NCF2: variants seen among roughly 807,000 people sequenced by gnomAD.
The protein encoded by NCF2 is neutrophil cytosol factor 2.
A neutral mutation model predicts 70.9 loss-of-function variants in NCF2; 45 were observed. The ratio of observed to expected loss-of-function variants is 0.63; its 90% CI spans 0.50 to 0.81. NCF2 has a LOEUF of 0.81. Ranked by LOEUF, NCF2 falls within the 40% of genes least tolerant of loss-of-function variation. The pLI, the probability that NCF2 is intolerant of heterozygous loss-of-function variation, is 0.00. For synonymous variants in NCF2, 203 were observed against 233.6 expected (o/e 0.87, Z 1.19); for missense variants, 522 against 631.6 (o/e 0.83, Z 1.86).
chr1:183,600,360 C>T, the NCF2 span, among the ~76,000 whole-genome samples: 1 of 152,238 alleles, frequency 6.6e-6, no homozygotes, highest in Admixed American at 6.5e-5. Flanking sequence ...GTGCACCCAA[C>T]TCTTGTGTCA....
the NCF2 span, among the ~76,000 whole-genome samples, chr1:183,599,448 T>TTCTTTCTTTCTTTCTTTCTTTC: frequency 1.2e-4 from 14 of 114,474 alleles, no homozygotes; most frequent in African/African-American, 4.4e-4. Flanking sequence ...CTTTCTTTCT[T>TTCTTTCTTTCTTTCTTTCTTTC]TCTTTCTTTC....
rs774655949 is a variant in NCF2, at chr1:183,590,355, G to C, written c.-26C>G. 1 of 1,613,932 alleles carries C rather than the reference G, an allele frequency of 6.2e-7. No individual in the cohort carries two copies. Among genetic ancestry groups the C allele is most frequent in the Non-Finnish European group, 8.5e-7 (1 of 1,179,854 alleles). On this transcript the variant is annotated 5_prime_UTR_variant, in exon 1 of 15. Coordinates refer to ENST00000367535, the MANE Select transcript of NCF2 (RefSeq NM_000433.4). ...GATTAGGTAGAAACTAGGAGGCCAA[G>C]AGAGCTGCCAGGAGACAGAGAGAAG...
At chr1:183,567,061 G>A in intron 8 of NCF2, 73 bp from the exon 9 acceptor site, 3 of 1,606,372 alleles carry the variant, frequency 1.9e-6, no homozygotes, top group Admixed American at 3.3e-5. Flanking sequence ...CCACAGAACA[G>A]CCCAGAGTCC....
chr1:183,580,982 A>AG (rs1411175417), intron 2 of NCF2, among the ~76,000 whole-genome samples: 1 of 151,428 alleles, frequency 6.6e-6, no homozygotes, highest in East Asian at 1.9e-4. Flanking sequence ...CCAACTCAAA[A>AG]AAAAAAAAAA....
intron 14 of NCF2, among the ~76,000 whole-genome samples, 159 bp downstream of exon 14, chr1:183,559,937 A>G (rs1476095898): frequency 6.6e-6 from 1 of 152,212 alleles, no homozygotes; most frequent in Non-Finnish European, 1.5e-5. Flanking sequence ...GGAAAGTCTG[A>G]GTGCTCAACT....
At chr1:183,564,445 TA>T (rs1375163510) in intron 10 of NCF2, among the ~76,000 whole-genome samples, 1 of 152,250 alleles carries the variant, frequency 6.6e-6, no homozygotes, top group African/African-American at 2.4e-5. Context: ...GTATGTTTCC[TA>T]AAGTTTATTA....
intron 14 of NCF2, among the ~76,000 whole-genome samples, chr1:183,557,390 T>C (rs1381394684): frequency 6.6e-6 from 1 of 152,248 alleles, no homozygotes; most frequent in Admixed American, 6.5e-5. Context: ...ATCACTGTCT[T>C]GATTCTTCTT....
chr1:183,556,556 CAG>C (rs1344847011), intron 14 of NCF2, among the ~76,000 whole-genome samples: 1 of 152,182 alleles, frequency 6.6e-6, no homozygotes, highest in East Asian at 1.9e-4. Flanking sequence ...CCAACCTTGA[CAG>C]GGTCTCACTG....
At chr1:183,586,769 A>G in intron 2 of NCF2, 126 bp downstream of exon 2, 1 of 862,432 alleles carries the variant, frequency 1.2e-6, no homozygotes, top group Non-Finnish European at 2.0e-6. Flanking sequence ...AACTGTCCCC[A>G]GAAGGGCCAG....
intron 6 of NCF2, 145 bp downstream of exon 6, chr1:183,570,635 G>T: frequency 1.3e-6 from 1 of 799,364 alleles, no homozygotes; most frequent in Non-Finnish European, 2.1e-6. Flanking sequence ...ACTGAGAGAG[G>T]GCAGGCAGAT....
At chr1:183,597,139 A>G in the NCF2 span, among the ~76,000 whole-genome samples, 3 of 152,228 alleles carry the variant, frequency 2.0e-5, no homozygotes, top group Non-Finnish European at 4.4e-5. Context: ...TATCTTAGGA[A>G]CTTTCCCTTT....
At chr1:183,564,073 A>G (rs1672199739) in intron 10 of NCF2, 43 bp from the exon 11 acceptor site, 3 of 1,584,746 alleles carry the variant, frequency 1.9e-6, no homozygotes, top group East Asian at 2.2e-5. Flanking sequence ...AAGATGGTGA[A>G]TGAACATCCT....
chr1:183,598,601 A>T, the NCF2 span, among the ~76,000 whole-genome samples: 1 of 152,072 alleles, frequency 6.6e-6, no homozygotes, highest in Non-Finnish European at 1.5e-5. Flanking sequence ...AAAAATTACT[A>T]AGGACAGCAC....
chr1:183,599,424 TTC>T, the NCF2 span, among the ~76,000 whole-genome samples: 7 of 25,144 alleles, frequency 2.8e-4, no homozygotes, highest in African/African-American at 1.0e-3. Context: ...CTTTCTTTCC[TTC>T]TTTCTTTCTT....
intron 1 of NCF2, among the ~76,000 whole-genome samples, chr1:183,588,880 G>A (rs1673502319): frequency 6.6e-6 from 1 of 152,218 alleles, no homozygotes; most frequent in African/African-American, 2.4e-5. Flanking sequence ...CCAGGCCAAG[G>A]CAGGAGGCTA....
chr1:183,590,222 G>A lies in NCF2; in HGVS notation c.108C>T (p.His36=), dbSNP rs770284550. The change falls in exon 1 of 15, where the codon CAC becomes CAT. Residue 36 remains histidine (H), a synonymous_variant. Transcript: ENST00000367535. ...AGCCAATGTTGAAGCAAATCCGGGA[G>A]TGGGGGTCCTGGACGGCACTGAAGG... ...LDAFSAVQDP[H]SRICFNIGCM... 1.2e-6 allele frequency: 2 copies of A among 1,614,218 alleles called. No homozygotes were observed. Among genetic ancestry groups the A allele is most frequent in the South Asian group, 1.1e-5 (1 of 91,084 alleles).
Position 183,574,515 on chromosome 1 carries a change from T to C in NCF2, c.473A>G (p.Lys158Arg). 6.2e-7 allele frequency: 1 copy of C among 1,614,244 alleles called. No homozygotes were observed. Among genetic ancestry groups the C allele is most frequent in the Non-Finnish European group, 8.5e-7 (1 of 1,180,038 alleles). ...GACACACTCCATCGCCTTGTCGATT[T>C]TGGAATGTCTGGGCTCAGACTTCAT... ...TSMKSEPRHSKIDKAMECVWK... is the reference protein window; with the variant it reads ...TSMKSEPRHSRIDKAMECVWK... Residue 158 changes from lysine to arginine, a missense_variant, in exon 4 of 15, where the codon AAA becomes AGA. Physicochemically the swap from Lys to Arg is conservative, Grantham distance 26. Coordinates refer to ENST00000367535, the MANE Select transcript of NCF2 (RefSeq NM_000433.4).
intron 12 of NCF2, 25 bp downstream of exon 12, chr1:183,563,386 GCACAAGGTTCCCACTGTACCCCT>G: frequency 6.2e-7 from 1 of 1,613,978 alleles, no homozygotes; most frequent in Non-Finnish European, 8.5e-7. Flanking sequence ...CTCCAGGCCA[GCACAAGGTTCCCACTGTACCCCT>G]CACAGCTGCC....
intron 1 of NCF2, among the ~76,000 whole-genome samples, chr1:183,589,696 T>C (rs1371997929): frequency 1.3e-5 from 2 of 152,214 alleles, no homozygotes; most frequent in African/African-American, 4.8e-5. Flanking sequence ...GGATAAAAGC[T>C]ATTTTTTGTA....
Sources: allele counts gnomAD v4.1 joint callset (sites outside exome capture counted in the v4.1 genomes callset), GRCh38; gene constraint gnomAD v4.1.1; transcripts MANE v1.5; gene names NCBI Gene and HGNC (gene_info 2026-07-23, HGNC 2026-07-21).